ADCY3: variants seen among roughly 807,000 people sequenced by gnomAD.
ADCY3 encodes adenylate cyclase type 3.
ADCY3 carries 70 observed loss-of-function variants against 119.4 expected under a neutral mutation model. The ratio of observed to expected loss-of-function variants is 0.59; its 90% CI spans 0.48 to 0.72. The LOEUF is 0.72. Among genes scored for constraint, ADCY3 ranks in the 30% least tolerant of loss-of-function variants. ADCY3 has a pLI of 0.00. For missense variants in ADCY3, 1,238 were observed against 1,541.6 expected (o/e 0.80, Z 3.30); for synonymous variants, 672 against 621.4 (o/e 1.08, Z -1.21).
intron 14 of ADCY3, 86 bp downstream of exon 14, chr2:24,827,816 T>C (rs1326044201): frequency 1.3e-6 from 2 of 1,581,592 alleles, no homozygotes; most frequent in Non-Finnish European, 1.7e-6. Context: ...GAAAGCCACC[T>C]CAGCACAGGC....
chr2:24,885,364 T>G lies in ADCY3; in HGVS notation c.676-12645A>C, dbSNP rs1015906781. On this transcript the variant is annotated intron_variant, in intron 2 of 21. Transcript: ENST00000679454. ...GGAGTGGAAAACGCTAAAGTCAATG[T>G]GAACACCCAAGCTTGTCATGGTCTC... Among the ~76,000 whole-genome samples, 3 of 152,184 alleles carry G rather than the reference T, an allele frequency of 2.0e-5. No individual in the cohort carries two copies. The South Asian group carries it at 6.2e-4, about 32-fold the overall frequency.
At position 24,819,703 on chromosome 2, in the gene ADCY3, A is replaced by C; in HGVS notation, c.*229T>G. The C allele has an allele frequency of 6.3e-6, 3 of 478,536 alleles. No individual in the cohort carries two copies. The highest frequency in any genetic ancestry group is 7.4e-6 in the Non-Finnish European group (2 of 271,682). 29.6% of individuals were successfully genotyped at this position (478,536 alleles called of 1,614,324 possible). ...GGATTGGAACGAGGGCTCTGGAAGGACTGTTCAGCCCTATGCCTAAGACCC... is the reference window on the plus strand; with the variant it reads ...GGATTGGAACGAGGGCTCTGGAAGGCCTGTTCAGCCCTATGCCTAAGACCC... On this transcript the variant is annotated 3_prime_UTR_variant, in exon 22 of 22. Coordinates refer to ENST00000679454, the MANE Select transcript of ADCY3 (RefSeq NM_004036.5).
At position 24,842,892 on chromosome 2, in the gene ADCY3, C is replaced by G. The variant is rs770877111; in HGVS notation, c.826-508G>C. On this transcript the variant is annotated intron_variant, in intron 3 of 21. Coordinates refer to ENST00000679454, the MANE Select transcript of ADCY3 (RefSeq NM_004036.5). This position sits in a 1 kb window ranked among gnomAD's most constrained non-coding sequence, Gnocchi z 4.9. Reference sequence around the variant, plus strand: ...CCACCTCAGAGAGCGGAGGGTCTCACGGGGACACAGGTAACCATGCCCAGC... The same window carrying G: ...CCACCTCAGAGAGCGGAGGGTCTCAGGGGGACACAGGTAACCATGCCCAGC... Among the ~76,000 whole-genome samples, 1 of 152,206 alleles carries G rather than the reference C, an allele frequency of 6.6e-6. No homozygotes were observed. The highest frequency in any genetic ancestry group is 1.5e-5 in the Non-Finnish European group (1 of 68,038).
At position 24,878,651 on chromosome 2, in the gene ADCY3, G is replaced by A. The variant is rs920775579; in HGVS notation, c.676-5932C>T. 7.2e-5 allele frequency among the ~76,000 whole-genome samples: 11 copies of A among 152,190 alleles called. No individual in the cohort carries two copies. Among genetic ancestry groups the A allele is most frequent in the Admixed American group, 7.2e-4 (11 of 15,288 alleles). On this transcript the variant is annotated intron_variant, in intron 2 of 21. Transcript: ENST00000679454. The surrounding 1 kb of genome is among the most constrained non-coding windows in gnomAD (Gnocchi z 4.0). ...CAGCCATGGGGCAGGAAGGAGGAGG[G>A]GAGGTGGCCCCTCCAAAGGCAACCA... is the stretch of plus-strand genomic sequence containing the variant.
chr2:24,916,202 A>G (rs1296890335), intron 2 of ADCY3, among the ~76,000 whole-genome samples: 2 of 152,198 alleles, frequency 1.3e-5, no homozygotes, highest in Non-Finnish European at 2.9e-5. Context: ...TACTCAAAGG[A>G]GAACAATCAT....
chr2:24,910,656 CTTTTCT>C (rs1663483864), intron 2 of ADCY3, among the ~76,000 whole-genome samples: 3 of 136,636 alleles, frequency 2.2e-5, no homozygotes, highest in Non-Finnish European at 4.5e-5. Flanking sequence ...CCTTTCTTTT[CTTTTCT>C]TTTTTTTTTT....
chr2:24,839,957 A>T lies in ADCY3; in HGVS notation c.1271T>A (p.Val424Asp). 1 of 1,613,786 alleles carries T rather than the reference A, an allele frequency of 6.2e-7. No individual in the cohort carries two copies. Among genetic ancestry groups the T allele is most frequent in the Non-Finnish European group, 8.5e-7 (1 of 1,180,000 alleles). ...GVHTGTVLGG[V>D]LGQKRWQYDV... ...GTACTGCCAGCGCTTCTGGCCCAGG[A>T]CGCCCCCCAGCACGGTGCCCGTGTG... The change falls in exon 7 of 22, where the codon GTC becomes GAC. Residue 424 changes from valine to aspartate, a missense_variant. Val to Asp is a radical substitution (Grantham distance 152, BLOSUM62 -3). Coordinates refer to ENST00000679454, the MANE Select transcript of ADCY3 (RefSeq NM_004036.5).
At chr2:24,853,170 T>C (rs1225207759) in intron 3 of ADCY3, among the ~76,000 whole-genome samples, 1 of 151,966 alleles carries the variant, frequency 6.6e-6, no homozygotes, top group Non-Finnish European at 1.5e-5. Context: ...AGGACTGGGG[T>C]ATAAGGAAGC....
Position 24,872,359 on chromosome 2 carries a change from A to C in ADCY3, c.825+211T>G, listed in dbSNP as rs1236783190. ...GGAGAGATCTGGGTCAAGCAGAAGC[A>C]GATTTAGGAGTGAGAGGCTCCCTGA... On this transcript the variant is annotated intron_variant, in intron 3 of 21. Coordinates refer to ENST00000679454, the MANE Select transcript of ADCY3 (RefSeq NM_004036.5). This position sits in a 1 kb window ranked among gnomAD's most constrained non-coding sequence, Gnocchi z 4.4. 1.3e-5 allele frequency among the ~76,000 whole-genome samples: 2 copies of C among 152,216 alleles called. No homozygotes were observed. The highest frequency in any genetic ancestry group is 2.9e-5 in the Non-Finnish European group (2 of 68,034).
At chr2:24,832,022 A>AAGGGGGAAGGGGACAGGGG in intron 11 of ADCY3, 1 of 83,172 alleles carries the variant, frequency 1.2e-5, no homozygotes, top group East Asian at 4.3e-4. Context: ...GCAGACAGGG[A>AAGGGGGAAGGGGACAGGGG]CCGGGGGCAG....
intron 3 of ADCY3, among the ~76,000 whole-genome samples, chr2:24,870,941 G>A (rs557379423): frequency 2.0e-5 from 3 of 152,274 alleles, no homozygotes; most frequent in South Asian, 2.1e-4. Context: ...TTATCTACAC[G>A]AGAACAGCCC....
rs562906573 is a variant in ADCY3 at position 24,824,846 on chromosome 2, C to T, written c.2578-310G>A. Among the ~76,000 whole-genome samples the T allele has an allele frequency of 3.3e-5, 5 of 152,248 alleles. No homozygotes were observed. The South Asian group carries it at 6.2e-4, about 19-fold the overall frequency. ...CAGAGGTTGCAGTGAGCCGAGATCG[C>T]ACCACTGCACTCCAGCCTGGGCAAA... is the stretch of plus-strand genomic sequence containing the variant. On this transcript the variant is annotated intron_variant, in intron 16 of 21. Transcript: ENST00000679454.
intron 8 of ADCY3, 142 bp downstream of exon 8, chr2:24,838,303 C>T: frequency 3.6e-6 from 3 of 829,738 alleles, no homozygotes; most frequent in Non-Finnish European, 5.7e-6. Flanking sequence ...GGGAAGGGTG[C>T]CAGCCTGCCA....
At chr2:24,852,442 C>T (rs1672427274) in intron 3 of ADCY3, among the ~76,000 whole-genome samples, 1 of 152,200 alleles carries the variant, frequency 6.6e-6, no homozygotes. Context: ...GCCTCCATGG[C>T]TCCCTCCCCA....
At chr2:24,862,417 G>A (rs2148734764) in intron 3 of ADCY3, among the ~76,000 whole-genome samples, 1 of 152,218 alleles carries the variant, frequency 6.6e-6, no homozygotes, top group East Asian at 1.9e-4. Flanking sequence ...ATGGTGGCGG[G>A]CACCTGTAGT....
At position 24,866,351 on chromosome 2, in the gene ADCY3, T is replaced by C. The variant is rs192712520; in HGVS notation, c.825+6219A>G. On this transcript the variant is annotated intron_variant, in intron 3 of 21. Transcript: ENST00000679454. ...ATGCCAGGTGGCTAAAGTGGGAGGATTGCTTGAGGCCAGGAGTTTGAGACC... is the reference window on the plus strand; with the variant it reads ...ATGCCAGGTGGCTAAAGTGGGAGGACTGCTTGAGGCCAGGAGTTTGAGACC... 6.1e-3 allele frequency among the ~76,000 whole-genome samples: 924 copies of C among 152,136 alleles called. 8 individuals are homozygous for C. Among genetic ancestry groups the C allele is most frequent in the Non-Finnish European group, 9.1e-3 (619 of 67,990 alleles).
At chr2:24,823,398 G>A in intron 17 of ADCY3, 43 bp from the exon 18 acceptor site, 1 of 1,593,526 alleles carries the variant, frequency 6.3e-7, no homozygotes, top group Non-Finnish European at 8.5e-7. Context: ...ATGTCCGACT[G>A]ACTGGATGAT....
rs776145800 is a variant in ADCY3 at position 24,841,686 on chromosome 2, G to T, written c.957-19C>A. 1.9e-6 allele frequency: 3 copies of T among 1,599,806 alleles called. No individual in the cohort carries two copies. The highest frequency in any genetic ancestry group is 2.6e-6 in the Non-Finnish European group (3 of 1,168,436). On this transcript the variant is annotated intron_variant, in intron 4 of 21. Transcript: ENST00000679454. This position sits in a 1 kb window ranked among gnomAD's most constrained non-coding sequence, Gnocchi z 5.8. Reference sequence around the variant, plus strand: ...GAGGATGCTGCATGAGGAAGGAACCGTGGGGGTGACGCTCCAGGCAGCCAG... The same window carrying T: ...GAGGATGCTGCATGAGGAAGGAACCTTGGGGGTGACGCTCCAGGCAGCCAG...
intron 16 of ADCY3, 87 bp downstream of exon 16, chr2:24,825,958 A>C: frequency 7.7e-7 from 1 of 1,298,880 alleles, no homozygotes; most frequent in Non-Finnish European, 1.1e-6. Context: ...ATTCCTTAGG[A>C]GCTTGGGCTC....
Sources: gnomAD v4.1 joint callset for allele counts (sites outside exome capture counted in the v4.1 genomes callset) on GRCh38, gnomAD v4.1.1 for gene constraint, Gnocchi (gnomAD v3.1) non-coding constraint, MANE v1.5 for transcripts, NCBI Gene and HGNC (gene_info 2026-07-23, HGNC 2026-07-21) for gene names.